The following WDR70 variants were observed in gnomAD, a reference collection of about 807,000 sequenced individuals.
WDR70 encodes WD repeat domain 70, also known as WD repeat-containing protein 70.
In WDR70, 53 loss-of-function variants were observed where a neutral mutation model predicts 88.6. The observed-to-expected ratio is 0.60, with a 90% CI of 0.48 to 0.75. The LOEUF (loss-of-function observed/expected upper bound fraction) is 0.75. Among genes scored for constraint, WDR70 ranks in the 30% least tolerant of loss-of-function variants. WDR70 has a pLI of 0.00. For missense variants in WDR70, 610 were observed against 823.2 expected (o/e 0.74, Z 3.17); for synonymous variants, 280 against 270.0 (o/e 1.04, Z -0.36).
At chr5:37,614,496 C>T (rs1284570318) in intron 10 of WDR70, among the ~76,000 whole-genome samples, 1 of 152,084 alleles carries the variant, frequency 6.6e-6, no homozygotes, top group Non-Finnish European at 1.5e-5. Context: ...GGGAGTATTA[C>T]TCAGCCTATC....
In WDR70 at chr5:37,413,915, G is replaced by A. The variant is rs572990400; in HGVS notation, c.492+17345G>A. ...AATCCCAGCACTTTGGGATGCCAAG[G>A]CGGATGGATCACCTGAGATTGGTAG... On this transcript the variant is annotated intron_variant, in intron 5 of 17. Transcript: ENST00000265107. 1.4e-4 allele frequency among the ~76,000 whole-genome samples: 22 copies of A among 152,112 alleles called. No individual in the cohort carries two copies. The South Asian group carries it at 1.9e-3, about 13-fold the overall frequency.
intron 7 of WDR70, among the ~76,000 whole-genome samples, chr5:37,476,051 A>G (rs567015026): frequency 3.4e-4 from 52 of 151,744 alleles, no homozygotes; most frequent in Admixed American, 2.0e-3. Context: ...GGGTGTCTGC[A>G]TGTTTGTCAG....
At chr5:37,461,105 C>CAA (rs10547667) in intron 7 of WDR70, among the ~76,000 whole-genome samples, 1,611 of 62,162 alleles carry the variant, frequency 0.026, 36 homozygotes, top group African/African-American at 0.079. Flanking sequence ...TTTCTAACCT[C>CAA]AAAAAAAAAA....
chr5:37,566,718 A>C (rs1742751768), intron 9 of WDR70, among the ~76,000 whole-genome samples: 1 of 152,200 alleles, frequency 6.6e-6, no homozygotes, highest in African/African-American at 2.4e-5. Flanking sequence ...CTAGTGAATT[A>C]GCAATTAGAA....
intron 13 of WDR70, among the ~76,000 whole-genome samples, chr5:37,720,333 C>A (rs1747771305): frequency 2.0e-5 from 3 of 152,104 alleles, no homozygotes; most frequent in Admixed American, 1.3e-4. Context: ...ACATTAGCTT[C>A]ATCTTTTTTC....
At chr5:37,569,135 G>A (rs1002592475) in intron 9 of WDR70, among the ~76,000 whole-genome samples, 2 of 152,164 alleles carry the variant, frequency 1.3e-5, no homozygotes, top group Non-Finnish European at 2.9e-5. Flanking sequence ...CAACCTGTCA[G>A]GCTATTGCAG....
At chr5:37,547,224 A>G (rs976780188) in intron 9 of WDR70, among the ~76,000 whole-genome samples, 4 of 152,226 alleles carry the variant, frequency 2.6e-5, no homozygotes, top group African/African-American at 4.8e-5. Context: ...TGCTGTTCCT[A>G]TGAAAATTCA....
intron 5 of WDR70, among the ~76,000 whole-genome samples, chr5:37,398,334 C>T (rs1054733254): frequency 2.8e-4 from 42 of 151,516 alleles, no homozygotes; most frequent in African/African-American, 8.2e-4. Flanking sequence ...GTGATCTGCC[C>T]GCCTCGGCCT....
chr5:37,588,256 G>A (rs1743421019), intron 9 of WDR70, among the ~76,000 whole-genome samples: 2 of 152,018 alleles, frequency 1.3e-5, no homozygotes, highest in African/African-American at 2.4e-5. Flanking sequence ...ATGTTAATTT[G>A]GCATTTGGAA....
At chr5:37,738,785 C>A (rs1027167407) in intron 17 of WDR70, among the ~76,000 whole-genome samples, 6 of 152,054 alleles carry the variant, frequency 3.9e-5, no homozygotes, top group Non-Finnish European at 7.4e-5. Flanking sequence ...AATCAGTTTT[C>A]CAAAAAGTAT....
At chr5:37,716,653 A>C (rs890717375) in intron 13 of WDR70, among the ~76,000 whole-genome samples, 2 of 151,708 alleles carry the variant, frequency 1.3e-5, no homozygotes, top group Non-Finnish European at 2.9e-5. Flanking sequence ...GAGATTATTA[A>C]TTTTGTAGTA....
intron 5 of WDR70, among the ~76,000 whole-genome samples, chr5:37,398,137 G>A (rs1424259015): frequency 7.2e-6 from 1 of 138,496 alleles, no homozygotes; most frequent in Non-Finnish European, 1.5e-5. Flanking sequence ...CACCGAGGCT[G>A]GAATGTGGTG....
Position 37,443,351 on chromosome 5 carries a change from G to A in WDR70, c.665G>A (p.Arg222Gln), listed in dbSNP as rs112033041. 3.7e-6 allele frequency: 6 copies of A among 1,613,836 alleles called. No homozygotes were observed. The highest frequency in any genetic ancestry group is 1.1e-5 in the South Asian group (1 of 91,058). ...ATGGATGCTTCTTTTAAGGCATTTC[G>A]ATCCCTTCAGCCCTGTGAGTGGTAT... is the stretch of plus-strand genomic sequence containing the variant. ...AGMDASFKAF[R>Q]SLQPCECHQI... Residue 222 changes from arginine to glutamine, a missense_variant, in exon 7 of 18, where the codon CGA (arginine) becomes CAA (glutamine). Physicochemically the swap from Arg to Gln is conservative, Grantham distance 43. Coordinates refer to ENST00000265107, the MANE Select transcript of WDR70 (RefSeq NM_018034.4).
At chr5:37,569,272 CA>C (rs1742833422) in intron 9 of WDR70, among the ~76,000 whole-genome samples, 1 of 152,176 alleles carries the variant, frequency 6.6e-6, no homozygotes, top group Non-Finnish European at 1.5e-5. Flanking sequence ...CTAACTTCTA[CA>C]TAATGATTGG....
intron 8 of WDR70, among the ~76,000 whole-genome samples, chr5:37,508,370 C>G (rs1017999225): frequency 3.3e-5 from 5 of 152,176 alleles, no homozygotes; most frequent in Non-Finnish European, 5.9e-5. Context: ...GAAGGGATCC[C>G]TCACCAACTT....
chr5:37,488,305 G>T lies in WDR70; in HGVS notation c.840+8318G>T, dbSNP rs538368800. 1.1e-3 allele frequency among the ~76,000 whole-genome samples: 170 copies of T among 151,412 alleles called. 1 individual carries two copies. Among genetic ancestry groups the T allele is most frequent in the African/African-American group, 4.0e-3 (165 of 41,290 alleles). On this transcript the variant is annotated intron_variant, in intron 8 of 17. Transcript: ENST00000265107. ...AGACCTTTTTGGGTTGTATCTATAT[G>T]GGAATCTGCTATCTTCTTGTATCTG...
intron 10 of WDR70, among the ~76,000 whole-genome samples, chr5:37,678,855 A>G (rs532252024): frequency 2.0e-4 from 30 of 152,344 alleles, no homozygotes; most frequent in Non-Finnish European, 3.5e-4. Context: ...TCTCCCCGTC[A>G]CTTTCAGGTA....
intron 9 of WDR70, among the ~76,000 whole-genome samples, chr5:37,562,852 T>C (rs1343358875): frequency 6.6e-5 from 10 of 151,920 alleles, no homozygotes; most frequent in Admixed American, 2.0e-4. Flanking sequence ...TACCTCTTTC[T>C]ACACAGACAT....
At chr5:37,493,776 G>A (rs894477176) in intron 8 of WDR70, among the ~76,000 whole-genome samples, 1 of 151,958 alleles carries the variant, frequency 6.6e-6, no homozygotes, top group Non-Finnish European at 1.5e-5. Context: ...GGAGTTGTTA[G>A]GGATTGTGAT....
Sources: allele counts gnomAD v4.1 joint callset (sites outside exome capture counted in the v4.1 genomes callset), GRCh38; gene constraint gnomAD v4.1.1; transcripts MANE v1.5; gene names NCBI Gene and HGNC (gene_info 2026-07-23, HGNC 2026-07-21).